Variants in RIC8B observed in about 807,000 individuals in gnomAD.
RIC8B encodes RIC8 guanine nucleotide exchange factor B.
Under a neutral mutation model 57.5 loss-of-function variants are expected in RIC8B, and 16 were observed. The observed-to-expected ratio is 0.28, with a 90% CI of 0.19 to 0.42. The LOEUF is 0.42. RIC8B is among the 10% of genes least tolerant of loss of function. The pLI, the probability that RIC8B is intolerant of heterozygous loss-of-function variation, is 1.00. For synonymous variants in RIC8B, 216 were observed against 250.8 expected, an observed-to-expected ratio of 0.86 and a Z score of 1.31; for missense variants, 481 against 677.0, an observed-to-expected ratio of 0.71 and a Z score of 3.21.
At chr12:106,843,723 CAA>C (rs11384376) in intron 5 of RIC8B, 127 bp from the exon 6 acceptor site, 21,127 of 251,430 alleles carry the variant, frequency 0.084, no homozygotes, top group South Asian at 0.11. Flanking sequence ...CTCCCTCTCC[CAA>C]AAAAAAAAAA....
rs150658526 is a variant in RIC8B, at chr12:106,837,789, G to A, written c.837-4800G>A. 2.0e-3 allele frequency among the ~76,000 whole-genome samples: 299 copies of A among 152,006 alleles called. 3 individuals carry two copies. In the East Asian group the frequency reaches 0.047, roughly 24 times the overall value. ...CCCAAGTAGCTGGGATTACAGGCACGCGCCAGCATGCCTGGCTAATTTTTG... is the reference window on the plus strand; with the variant it reads ...CCCAAGTAGCTGGGATTACAGGCACACGCCAGCATGCCTGGCTAATTTTTG... On this transcript the variant is annotated intron_variant, in intron 4 of 9. Transcript: ENST00000392837.
intron 2 of RIC8B, among the ~76,000 whole-genome samples, chr12:106,812,911 C>G (rs1186907490): frequency 1.3e-5 from 2 of 151,996 alleles, no homozygotes; most frequent in Non-Finnish European, 2.9e-5. Flanking sequence ...TTTGTCTTAT[C>G]AGATAAAGTT....
intron 2 of RIC8B, among the ~76,000 whole-genome samples, chr12:106,804,196 A>C (rs752898587): frequency 3.3e-5 from 5 of 150,568 alleles, no homozygotes; most frequent in Non-Finnish European, 1.5e-5. Context: ...TGAAGTAGGT[A>C]CTTTTTTTTC....
intron 2 of RIC8B, among the ~76,000 whole-genome samples, chr12:106,800,850 A>G (rs2044699685): frequency 6.6e-6 from 1 of 152,190 alleles, no homozygotes; most frequent in Non-Finnish European, 1.5e-5. Flanking sequence ...AAAGAAGCAA[A>G]GGGGCTGCTA....
At chr12:106,791,076 A>G (rs555835826) in intron 2 of RIC8B, among the ~76,000 whole-genome samples, 24 of 152,282 alleles carry the variant, frequency 1.6e-4, no homozygotes, top group African/African-American at 5.5e-4. Context: ...ACTTGTACAT[A>G]TTGTTTGGTT....
intron 6 of RIC8B, among the ~76,000 whole-genome samples, chr12:106,847,837 C>T (rs1284388157): frequency 1.3e-5 from 2 of 152,214 alleles, no homozygotes; most frequent in Non-Finnish European, 2.9e-5. Flanking sequence ...TTAATAAAAG[C>T]TTCTTGAATT....
chr12:106,787,923 C>T (rs1185245806), intron 2 of RIC8B, among the ~76,000 whole-genome samples: 1 of 152,120 alleles, frequency 6.6e-6, no homozygotes, highest in Non-Finnish European at 1.5e-5. Flanking sequence ...CCAACAGTCC[C>T]CCAAAGTCTT....
Position 106,870,923 on chromosome 12 carries a change from A to G in RIC8B, c.1552A>G (p.Met518Val). The G allele has an allele frequency of 6.5e-7, 1 of 1,549,842 alleles. No homozygotes were observed. The highest frequency in any genetic ancestry group is 8.7e-7 in the Non-Finnish European group (1 of 1,145,712). Reference protein sequence around the residue: ...KEYEAMKLVNMLDKLSREELL... With the variant: ...KEYEAMKLVNVLDKLSREELL... ...ATATGAAGCCATGAAACTTGTCAAC[A>G]TGCTTGATAAACTTTCCAGGTATTG... is the stretch of plus-strand genomic sequence containing the variant. The change falls in exon 9 of 10, where the codon ATG (methionine) becomes GTG (valine). Residue 518 changes from methionine (M) to valine (V), a missense_variant. Transcript: ENST00000392837.
chr12:106,841,499 ATAATC>A (rs1948946324), intron 4 of RIC8B, among the ~76,000 whole-genome samples: 1 of 152,176 alleles, frequency 6.6e-6, no homozygotes, highest in African/African-American at 2.4e-5. Context: ...GGGTGTCACT[ATAATC>A]TAAAGTAGAA....
intron 8 of RIC8B, among the ~76,000 whole-genome samples, chr12:106,866,683 A>G (rs890493991): frequency 8.0e-5 from 12 of 150,764 alleles, no homozygotes; most frequent in South Asian, 2.1e-4. Flanking sequence ...CTTGTTTTAC[A>G]CAGTGTTCTT....
intron 2 of RIC8B, among the ~76,000 whole-genome samples, chr12:106,800,886 C>A (rs1384043452): frequency 6.6e-6 from 1 of 152,050 alleles, no homozygotes; most frequent in African/African-American, 2.4e-5. Context: ...TATCAGCCAC[C>A]AAGATATGAG....
At chr12:106,855,762 C>G (rs955047452) in intron 7 of RIC8B, among the ~76,000 whole-genome samples, 1 of 152,066 alleles carries the variant, frequency 6.6e-6, no homozygotes, top group Non-Finnish European at 1.5e-5. Flanking sequence ...ACATTGCTCC[C>G]TGAGTAATCT....
intron 3 of RIC8B, among the ~76,000 whole-genome samples, chr12:106,821,426 A>G (rs996302328): frequency 2.0e-5 from 3 of 152,202 alleles, no homozygotes; most frequent in Admixed American, 2.0e-4. Flanking sequence ...GTATGGCCAT[A>G]TGGGAAAAAA....
intron 1 of RIC8B, among the ~76,000 whole-genome samples, chr12:106,780,695 G>T (rs2043726439): frequency 6.6e-6 from 1 of 152,170 alleles, no homozygotes; most frequent in Admixed American, 6.5e-5. Context: ...AGCAATCTGT[G>T]TTCATGAAAC....
At chr12:106,814,362 A>G (rs1465460737) in intron 2 of RIC8B, among the ~76,000 whole-genome samples, 4 of 152,238 alleles carry the variant, frequency 2.6e-5, no homozygotes, top group Non-Finnish European at 4.4e-5. Context: ...CTAAAGAGCT[A>G]TAAATTCAGA....
intron 4 of RIC8B, among the ~76,000 whole-genome samples, chr12:106,837,183 G>A (rs895935573): frequency 5.3e-5 from 8 of 152,166 alleles, no homozygotes; most frequent in Non-Finnish European, 1.2e-4. Flanking sequence ...CCAACATGGT[G>A]AAACCCTGTC....
intron 4 of RIC8B, among the ~76,000 whole-genome samples, chr12:106,834,797 C>G (rs181537304): frequency 6.6e-6 from 1 of 151,796 alleles, no homozygotes; most frequent in African/African-American, 2.4e-5. Context: ...TCCTGGCTAA[C>G]ACGGTGAAAC....
chr12:106,881,226 G>A (rs371726850), intron 9 of RIC8B, among the ~76,000 whole-genome samples: 4 of 151,590 alleles, frequency 2.6e-5, no homozygotes, highest in African/African-American at 9.7e-5. Flanking sequence ...GGGGTGGGGG[G>A]TATGCTCCTG....
intron 3 of RIC8B, among the ~76,000 whole-genome samples, chr12:106,817,394 C>T (rs1188991286): frequency 1.3e-5 from 2 of 152,048 alleles, no homozygotes; most frequent in Non-Finnish European, 1.5e-5. Context: ...GAAAACAGAA[C>T]GATTCAGCCA....
Sources: gnomAD v4.1 joint callset for allele counts (sites outside exome capture counted in the v4.1 genomes callset) on GRCh38, gnomAD v4.1.1 for gene constraint, MANE v1.5 for transcripts, NCBI Gene and HGNC (gene_info 2026-07-23, HGNC 2026-07-21) for gene names.